ODAD2: variants seen among roughly 807,000 people sequenced by gnomAD.
ODAD2 encodes the protein outer dynein arm-docking complex subunit 2.
Under a neutral mutation model 106.8 loss-of-function variants are expected in ODAD2, and 89 were observed. The ratio of observed to expected loss-of-function variants is 0.83; its 90% CI spans 0.70 to 0.99. ODAD2 has a LOEUF of 0.99. Ranked by LOEUF, ODAD2 falls within the 50% of genes least tolerant of loss-of-function variation. The pLI is 0.00. For missense variants in ODAD2, 1,168 were observed against 1,238.5 expected, an observed-to-expected ratio of 0.94 and a Z score of 0.85; for synonymous variants, 404 against 436.2, an observed-to-expected ratio of 0.93 and a Z score of 0.92.
At chr10:27,934,281 C>T (rs1845810024) in intron 16 of ODAD2, among the ~76,000 whole-genome samples, 1 of 151,904 alleles carries the variant, frequency 6.6e-6, no homozygotes, top group South Asian at 2.1e-4. Flanking sequence ...CGCTTACCTC[C>T]CCACACTTCC....
At chr10:27,924,007 AAAGAAAGAAAGAAAG>A (rs1845013385) in intron 16 of ODAD2, among the ~76,000 whole-genome samples, 1 of 126,466 alleles carries the variant, frequency 7.9e-6, no homozygotes, top group Admixed American at 7.8e-5. Context: ...AGAAAGAAAG[AAAGAAAGAAAGAAAG>A]AAGGAAAGAG....
chr10:27,980,107 G>A (rs1849452994), intron 7 of ODAD2, among the ~76,000 whole-genome samples: 1 of 152,080 alleles, frequency 6.6e-6, no homozygotes, highest in African/African-American at 2.4e-5. Flanking sequence ...AAATTGTGCT[G>A]GGAAAACTGA....
intron 17 of ODAD2, among the ~76,000 whole-genome samples, chr10:27,886,237 T>C (rs913639225): frequency 6.6e-6 from 1 of 151,010 alleles, no homozygotes; most frequent in African/African-American, 2.4e-5. Context: ...ATCCCCTAGT[T>C]GTTGAAAGAC....
chr10:27,841,581 A>G (rs2133114021), intron 19 of ODAD2, among the ~76,000 whole-genome samples: 1 of 150,914 alleles, frequency 6.6e-6, no homozygotes, highest in African/African-American at 2.4e-5. Context: ...TTTTTAGTAA[A>G]GACGGGGTTT....
At chr10:27,921,747 A>T (rs1477744081) in intron 16 of ODAD2, among the ~76,000 whole-genome samples, 3 of 150,320 alleles carry the variant, frequency 2.0e-5, no homozygotes, top group Non-Finnish European at 4.4e-5. Context: ...AAAAAAAAAA[A>T]ATCAAGTAAT....
At chr10:27,924,011 AAAGAAAGAAAGAAG>A (rs1564509321) in intron 16 of ODAD2, among the ~76,000 whole-genome samples, 26 of 115,508 alleles carry the variant, frequency 2.3e-4, no homozygotes, top group African/African-American at 1.1e-3. Flanking sequence ...AGAAAGAAAG[AAAGAAAGAAAGAAG>A]GAAAGAGAAA....
intron 10 of ODAD2, among the ~76,000 whole-genome samples, chr10:27,950,929 A>G (rs1312172045): frequency 6.6e-6 from 1 of 152,210 alleles, no homozygotes; most frequent in East Asian, 1.9e-4. Flanking sequence ...AATAAAGTGG[A>G]CACAAGAGCA....
chr10:27,962,079 A>T (rs868065756), intron 9 of ODAD2, among the ~76,000 whole-genome samples: 3 of 152,160 alleles, frequency 2.0e-5, no homozygotes, highest in Non-Finnish European at 4.4e-5. Flanking sequence ...GTCTCAAAAC[A>T]TAAAAATAAA....
At chr10:27,943,837 T>G (rs927632564) in intron 12 of ODAD2, among the ~76,000 whole-genome samples, 5 of 118,692 alleles carry the variant, frequency 4.2e-5, no homozygotes, top group Admixed American at 8.9e-5. Context: ...AAAGGCATCA[T>G]AGATGTCAAC....
chr10:27,970,101 AAAATAAATAAATAAATAAAT>A (rs57804974), intron 8 of ODAD2, among the ~76,000 whole-genome samples: 2 of 133,416 alleles, frequency 1.5e-5, no homozygotes, highest in Admixed American at 7.8e-5. Flanking sequence ...TCTGTCTCAA[AAAATAAATAAATAAATAAAT>A]AAATAAATAA....
intron 17 of ODAD2, among the ~76,000 whole-genome samples, chr10:27,867,379 T>C (rs772070248): frequency 3.0e-4 from 45 of 152,150 alleles, no homozygotes; most frequent in Non-Finnish European, 2.1e-4. Flanking sequence ...CTGAGTTCCA[T>C]GAATTGGTAA....
rs1245553518 is a variant in ODAD2, at chr10:27,812,319, C to T, written c.*193G>A. 3.0e-5 allele frequency: 17 copies of T among 564,034 alleles called. No individual in the cohort carries two copies. The highest frequency in any genetic ancestry group is 4.5e-5 in the Non-Finnish European group (15 of 331,814). 34.9% of individuals were successfully genotyped at this position (564,034 alleles called of 1,614,324 possible). A position where few individuals can be genotyped will look rare whatever the true frequency, so the allele number is the denominator to read the frequency against. On this transcript the variant is annotated 3_prime_UTR_variant, in exon 20 of 20. Coordinates refer to ENST00000305242, the MANE Select transcript of ODAD2 (RefSeq NM_018076.5). The stretch of plus-strand genomic sequence containing the variant: ...CTTATCACATGTCATATCTCGAAAA[C>T]ATTAAATAGAAACAAAAGTCTCCAT...
chr10:27,976,019 C>G (rs1333632857), intron 7 of ODAD2, among the ~76,000 whole-genome samples: 2 of 152,010 alleles, frequency 1.3e-5, no homozygotes, highest in African/African-American at 4.8e-5. Flanking sequence ...ATCACATTAA[C>G]AAACTAAAAG....
rs138500328 is a variant in ODAD2, at chr10:27,881,613, G to A, written c.2611-18991C>T. On this transcript the variant is annotated intron_variant, in intron 17 of 19. Coordinates refer to ENST00000305242, the MANE Select transcript of ODAD2 (RefSeq NM_018076.5). ...AATCACACCATTGCACTCCAACCTGGGCAACAGAGCAAAATCCCGTCTCAA... is the reference window on the plus strand; with the variant it reads ...AATCACACCATTGCACTCCAACCTGAGCAACAGAGCAAAATCCCGTCTCAA... Among the ~76,000 whole-genome samples, 360 of 151,972 alleles carry A rather than the reference G, an allele frequency of 2.4e-3. 1 individual carries two copies. The highest frequency in any genetic ancestry group is 8.2e-3 in the African/African-American group (338 of 41,422).
intron 18 of ODAD2, among the ~76,000 whole-genome samples, chr10:27,861,620 A>G (rs747377242): frequency 2.0e-5 from 3 of 152,212 alleles, no homozygotes; most frequent in Non-Finnish European, 4.4e-5. Flanking sequence ...GGCTCCTGAG[A>G]GGGAGAAGAG....
intron 17 of ODAD2, among the ~76,000 whole-genome samples, chr10:27,883,217 AT>A: frequency 6.6e-6 from 1 of 152,064 alleles, no homozygotes; most frequent in Non-Finnish European, 1.5e-5. Flanking sequence ...CAGAACCCTT[AT>A]CACAGGGTGG....
intron 19 of ODAD2, among the ~76,000 whole-genome samples, chr10:27,851,174 G>T (rs1839235058): frequency 6.6e-6 from 1 of 152,144 alleles, no homozygotes; most frequent in African/African-American, 2.4e-5. Flanking sequence ...CCACCACTCA[G>T]AGTGGAAGAC....
At position 27,931,900 on chromosome 10, in the gene ODAD2, C is replaced by T. The variant is rs927870731; in HGVS notation, c.2495+3110G>A. ...TTCAACTCACAATGGGGTTATGTCC[C>T]GATAAACCCATCATAAGTTGAAAAT... is the stretch of plus-strand genomic sequence containing the variant. On this transcript the variant is annotated intron_variant, in intron 16 of 19. Transcript: ENST00000305242. 5.9e-5 allele frequency among the ~76,000 whole-genome samples: 9 copies of T among 151,546 alleles called. No individual in the cohort carries two copies. The South Asian group carries it at 6.3e-4, about 11-fold the overall frequency.
chr10:27,959,009 A>G, intron 10 of ODAD2: 1 of 1,302,838 alleles, frequency 7.7e-7, no homozygotes. Context: ...GACTCTTGGG[A>G]AAAACTCAGG....
Sources: gnomAD v4.1 joint callset for allele counts (sites outside exome capture counted in the v4.1 genomes callset) on GRCh38, gnomAD v4.1.1 for gene constraint, MANE v1.5 for transcripts, NCBI Gene and HGNC (gene_info 2026-07-23, HGNC 2026-07-21) for gene names.